Variants in MYO16 observed in about 807,000 individuals in gnomAD.
MYO16 encodes unconventional myosin-XVI.
Under a neutral mutation model 205.3 loss-of-function variants are expected in MYO16, and 94 were observed. That is an observed-to-expected ratio of 0.46 (90% CI 0.39 to 0.54). The LOEUF (loss-of-function observed/expected upper bound fraction) is 0.54. MYO16 is among the 20% of genes least tolerant of loss of function. MYO16 has a pLI of 0.00. For synonymous variants in MYO16, 988 were observed against 954.0 expected, an observed-to-expected ratio of 1.04 and a Z score of -0.66; for missense variants, 2,315 against 2,387.5, an observed-to-expected ratio of 0.97 and a Z score of 0.63.
chr13:108,893,450 CGTT>C lies in MYO16; in HGVS notation c.1660-4562_1660-4560del, dbSNP rs534690699. ...ATAAAATTGGTTGCATTAGAAGGTA[CGTT>C]GTTTTGCTTAAAGTAGAAATTTCCA... On this transcript the variant is annotated intron_variant, in intron 14 of 34. Coordinates refer to ENST00000457511, the MANE Select transcript of MYO16 (RefSeq NM_001198950.3). 5.1e-3 allele frequency among the ~76,000 whole-genome samples: 771 copies of C among 152,198 alleles called. 3 individuals carry two copies. The highest frequency in any genetic ancestry group is 0.02 in the Middle Eastern group (6 of 294).
chr13:108,645,388 G>A (rs542231437), intron 1 of MYO16, among the ~76,000 whole-genome samples: 1 of 152,270 alleles, frequency 6.6e-6, no homozygotes, highest in South Asian at 2.1e-4. Flanking sequence ...AGTTTGCAGT[G>A]TCGAAAATGA....
chr13:108,584,078 C>A, the MYO16 span, among the ~76,000 whole-genome samples: 4,060 of 152,188 alleles, frequency 0.027, 173 homozygotes, highest in African/African-American at 0.091. Flanking sequence ...CTCAGCCTCC[C>A]AAGTATCTGG....
At chr13:109,104,451 A>G (rs1889062543) in intron 28 of MYO16, among the ~76,000 whole-genome samples, 1 of 149,678 alleles carries the variant, frequency 6.7e-6, no homozygotes. Context: ...CTGTCAATCA[A>G]ACTGACCCTG....
intron 14 of MYO16, among the ~76,000 whole-genome samples, chr13:108,894,241 A>G (rs566072131): frequency 6.6e-6 from 1 of 152,234 alleles, no homozygotes; most frequent in African/African-American, 2.4e-5. Context: ...CTCCTTTGAC[A>G]TGTGGGGATT....
chr13:109,052,351 C>T lies in MYO16; in HGVS notation c.2924C>T (p.Thr975Ile). The T allele has an allele frequency of 6.2e-7, 1 of 1,613,226 alleles. No individual in the cohort carries two copies. The highest frequency in any genetic ancestry group is 8.5e-7 in the Non-Finnish European group (1 of 1,179,346). The change falls in exon 25 of 35, where the codon ACA becomes ATA. Residue 975 changes from threonine (T) to isoleucine (I), a missense_variant. Physicochemically the swap from Thr to Ile is moderately conservative, Grantham distance 89 (BLOSUM62 -1). Transcript: ENST00000457511. ...TTGTTCCAGTCGAAATTGTCACAAA[C>T]AGGATCCCTCGTATCTGCCTATCCT... ...NHLFQSKLSQ[T>I]GSLVSAYPSF...
chr13:109,140,552 C>G lies in MYO16; in HGVS notation c.4340C>G (p.Pro1447Arg), dbSNP rs1355270511. 6.5e-7 allele frequency: 1 copy of G among 1,543,906 alleles called. No homozygotes were observed. Among genetic ancestry groups the G allele is most frequent in the Non-Finnish European group, 8.7e-7 (1 of 1,152,434 alleles). ...MLGHAARPDS[P>R]DPGESVYEEM... ...GGGCACGCGGCCAGGCCCGATAGCC[C>G]GGACCCCGGGGAGTCCGTGTACGAG... The change falls in exon 32 of 35, where the codon CCG (proline) becomes CGG (arginine). Residue 1447 changes from proline to arginine, a missense_variant. Pro to Arg is a moderately radical substitution (Grantham distance 103, BLOSUM62 -2). Coordinates refer to ENST00000457511, the MANE Select transcript of MYO16 (RefSeq NM_001198950.3). This position sits in a 1 kb window ranked among gnomAD's most constrained non-coding sequence, Gnocchi z 8.0.
At chr13:109,075,157 G>A (rs1193335612) in intron 27 of MYO16, among the ~76,000 whole-genome samples, 4 of 152,142 alleles carry the variant, frequency 2.6e-5, no homozygotes, top group Non-Finnish European at 5.9e-5. Context: ...AACCACTGAT[G>A]TACAAGTGTT....
chr13:109,110,397 A>G (rs1319266642), intron 28 of MYO16, among the ~76,000 whole-genome samples: 2 of 152,220 alleles, frequency 1.3e-5, no homozygotes, highest in Admixed American at 1.3e-4. Context: ...ACTTTTATTC[A>G]TCACTGCCTG....
At chr13:108,601,763 G>T (rs1878771340) in intron 1 of MYO16, among the ~76,000 whole-genome samples, 1 of 152,032 alleles carries the variant, frequency 6.6e-6, no homozygotes, top group African/African-American at 2.4e-5. Flanking sequence ...TAGGCAGTGG[G>T]TGAACACTGC....
chr13:108,506,754 G>C, the MYO16 span, among the ~76,000 whole-genome samples: 1 of 152,112 alleles, frequency 6.6e-6, no homozygotes, highest in Non-Finnish European at 1.5e-5. Flanking sequence ...ATCTTGCCTT[G>C]TTCCTGATCT....
At chr13:109,092,195 A>T (rs759531045) in intron 27 of MYO16, among the ~76,000 whole-genome samples, 4 of 152,236 alleles carry the variant, frequency 2.6e-5, no homozygotes, top group African/African-American at 9.6e-5. Flanking sequence ...AGACATTTTC[A>T]GAGAAAGTGC....
intron 23 of MYO16, among the ~76,000 whole-genome samples, chr13:109,042,642 T>C (rs748568176): frequency 1.3e-5 from 2 of 152,244 alleles, no homozygotes; most frequent in Non-Finnish European, 2.9e-5. Flanking sequence ...TCTCTAATAC[T>C]TGTGTTCATC....
the MYO16 span, among the ~76,000 whole-genome samples, chr13:108,548,216 ATGGTGGTGGTGG>A: frequency 6.9e-6 from 1 of 144,946 alleles, no homozygotes; most frequent in African/African-American, 2.5e-5. Context: ...AATGATGATG[ATGGTGGTGGTGG>A]TGGTGGTGGT....
At chr13:108,613,331 T>C (rs1183625538) in intron 1 of MYO16, among the ~76,000 whole-genome samples, 1 of 152,180 alleles carries the variant, frequency 6.6e-6, no homozygotes, top group African/African-American at 2.4e-5. Context: ...TCCTCAATTC[T>C]GGATATGCTG....
chr13:108,510,156 G>A, the MYO16 span, among the ~76,000 whole-genome samples: 4 of 151,940 alleles, frequency 2.6e-5, no homozygotes, highest in African/African-American at 7.3e-5. Context: ...TCGCCCTGTC[G>A]CCCAGGCTGG....
At chr13:108,813,427 C>T (rs1409827662) in intron 7 of MYO16, among the ~76,000 whole-genome samples, 4 of 152,056 alleles carry the variant, frequency 2.6e-5, no homozygotes, top group East Asian at 3.9e-4. Flanking sequence ...TTATATTTTC[C>T]TCTTTATTAA....
At chr13:108,639,254 G>A (rs1880394592) in intron 1 of MYO16, among the ~76,000 whole-genome samples, 1 of 152,188 alleles carries the variant, frequency 6.6e-6, no homozygotes, top group African/African-American at 2.4e-5. Context: ...CAGGGAAGGG[G>A]AGGCGTGGTC....
At chr13:108,855,946 A>G (rs1408434977) in intron 11 of MYO16, among the ~76,000 whole-genome samples, 1 of 152,224 alleles carries the variant, frequency 6.6e-6, no homozygotes, top group East Asian at 1.9e-4. Context: ...GCATACATTG[A>G]CTATGCAGGT....
At chr13:109,103,043 A>G (rs1889020168) in intron 28 of MYO16, among the ~76,000 whole-genome samples, 1 of 152,188 alleles carries the variant, frequency 6.6e-6, no homozygotes, top group Non-Finnish European at 1.5e-5. Context: ...GATGTAACCT[A>G]TGATATACTT....
Sources: allele counts gnomAD v4.1 joint callset (sites outside exome capture counted in the v4.1 genomes callset), GRCh38; gene constraint gnomAD v4.1.1; non-coding constraint Gnocchi (gnomAD v3.1); transcripts MANE v1.5; gene names NCBI Gene and HGNC (gene_info 2026-07-23, HGNC 2026-07-21).